RPF2: variants seen among roughly 807,000 people sequenced by gnomAD.
RPF2 encodes the protein brix domain containing 1.
In RPF2, 21 loss-of-function variants were observed where a neutral mutation model predicts 38.9. The observed-to-expected ratio is 0.54, with a 90% CI of 0.38 to 0.78. The LOEUF is 0.78. RPF2 is among the 30% of genes least tolerant of loss of function. The pLI is 0.00. For missense variants in RPF2, 314 were observed against 358.1 expected, an observed-to-expected ratio of 0.88 and a Z score of 0.99; for synonymous variants, 121 against 126.2, an observed-to-expected ratio of 0.96 and a Z score of 0.28.
At position 110,982,117 on chromosome 6, in the gene RPF2, T is replaced by G. The variant is rs746588077; in HGVS notation, c.11T>G (p.Leu4Arg). 29 of 1,614,084 alleles carry G rather than the reference T, an allele frequency of 1.8e-5. No homozygotes were observed. The highest frequency in any genetic ancestry group is 2.5e-5 in the Non-Finnish European group (29 of 1,180,034). The change falls in exon 1 of 10, where the codon CTG becomes CGG. Residue 4 changes from leucine (L) to arginine (R), a missense_variant. Physicochemically the swap from Leu to Arg is moderately radical, Grantham distance 102. Coordinates refer to ENST00000441448, the MANE Select transcript of RPF2 (RefSeq NM_032194.3). ...CAGGTAGCGGTAGCGATGGACACTC[T>G]GGATCGAGTAGTGTAAGTGCGCTGG... is the stretch of plus-strand genomic sequence containing the variant. MDTLDRVVKPKTKR... is the reference protein window; with the variant it reads MDTRDRVVKPKTKR...
chr6:110,993,312 TTTAG>T (rs1307137173), intron 4 of RPF2, among the ~76,000 whole-genome samples: 19 of 152,310 alleles, frequency 1.2e-4, no homozygotes, highest in Non-Finnish European at 2.5e-4. Flanking sequence ...TTTTTTTTCT[TTTAG>T]TTAGTGAATT....
At chr6:110,996,985 A>G (rs1234393201) in intron 4 of RPF2, among the ~76,000 whole-genome samples, 198 bp from the exon 5 acceptor site, 2 of 152,076 alleles carry the variant, frequency 1.3e-5, no homozygotes, top group African/African-American at 2.4e-5. Flanking sequence ...TATTTTTAGT[A>G]GAGATACGGT....
Position 111,027,351 on chromosome 6 carries a change from C to T in RPF2, c.*1769C>T, listed in dbSNP as rs7773288. 33,741 of 152,122 alleles carry T rather than the reference C, an allele frequency of 0.22. 3,948 individuals are homozygous for T. The highest frequency in any genetic ancestry group is 0.3 in the African/African-American group (12,622 of 41,480). The allele number at this position is 152,122 out of a possible 1,614,324, so 9.4% of individuals were successfully genotyped here. The stretch of plus-strand genomic sequence containing the variant: ...CATACAGTCTCGTACCTGAATCAGA[C>T]ATTTGCACTTTATATCTAAATGAGA... On this transcript the variant is annotated 3_prime_UTR_variant, in exon 10 of 10. Coordinates refer to ENST00000441448, the MANE Select transcript of RPF2 (RefSeq NM_032194.3).
intron 8 of RPF2, among the ~76,000 whole-genome samples, chr6:111,019,922 GT>G (rs1045101298): frequency 2.7e-5 from 4 of 146,610 alleles, no homozygotes; most frequent in East Asian, 2.0e-4. Flanking sequence ...TCTTTCTTTT[GT>G]TTTTTTTTTG....
At chr6:111,024,503 G>A (rs1297459111) in intron 9 of RPF2, among the ~76,000 whole-genome samples, 176 bp downstream of exon 9, 1 of 152,102 alleles carries the variant, frequency 6.6e-6, no homozygotes, top group African/African-American at 2.4e-5. Flanking sequence ...CACAAGGTCA[G>A]GAGATCGAGA....
At chr6:111,020,291 C>T (rs1772208682) in intron 8 of RPF2, among the ~76,000 whole-genome samples, 6 of 152,156 alleles carry the variant, frequency 3.9e-5, no homozygotes, top group Admixed American at 3.9e-4. Context: ...TCTCAGCTCA[C>T]TGCAACCTCT....
At chr6:111,014,223 GC>G (rs1176585242) in intron 7 of RPF2, among the ~76,000 whole-genome samples, 1 of 150,840 alleles carries the variant, frequency 6.6e-6, no homozygotes, top group East Asian at 1.9e-4. Flanking sequence ...TGCAATCTCC[GC>G]CTCCCAGGTT....
intron 6 of RPF2, among the ~76,000 whole-genome samples, chr6:111,004,538 T>C (rs1771875365): frequency 6.7e-6 from 1 of 149,782 alleles, no homozygotes; most frequent in African/African-American, 2.4e-5. Context: ...CTGTATGTAT[T>C]AAGTATTGGG....
intron 6 of RPF2, 122 bp downstream of exon 6, chr6:110,999,909 A>G (rs367618526): frequency 4.2e-5 from 24 of 576,128 alleles, no homozygotes; most frequent in Non-Finnish European, 7.5e-5. Context: ...TTATTTTGAC[A>G]TGCTCCAGGA....
At chr6:111,014,568 G>T (rs1235486493) in intron 7 of RPF2, among the ~76,000 whole-genome samples, 1 of 152,174 alleles carries the variant, frequency 6.6e-6, no homozygotes, top group East Asian at 1.9e-4. Context: ...CTACAGAATG[G>T]GACTAGAACA....
intron 5 of RPF2, 69 bp downstream of exon 5, chr6:110,997,333 G>A (rs113340775): frequency 2.7e-5 from 24 of 897,888 alleles, no homozygotes; most frequent in African/African-American, 1.5e-4. Flanking sequence ...GAATTCATAC[G>A]GGTCTGCAGC....
At chr6:110,993,190 C>T (rs1771649407) in intron 4 of RPF2, among the ~76,000 whole-genome samples, 1 of 152,180 alleles carries the variant, frequency 6.6e-6, no homozygotes, top group Non-Finnish European at 1.5e-5. Context: ...AATGATCTGC[C>T]TGCCTTGGCC....
chr6:110,991,331 C>T (rs1771616063), intron 3 of RPF2, among the ~76,000 whole-genome samples: 1 of 150,330 alleles, frequency 6.7e-6, no homozygotes, highest in African/African-American at 2.4e-5. Context: ...CTCACTGTTA[C>T]CCAGGCTGGA....
intron 4 of RPF2, among the ~76,000 whole-genome samples, chr6:110,994,914 A>T (rs1365811480): frequency 6.6e-6 from 1 of 151,856 alleles, no homozygotes; most frequent in Non-Finnish European, 1.5e-5. Flanking sequence ...AAATATATAT[A>T]TTTTAATTGA....
chr6:111,015,341 C>T, intron 7 of RPF2, among the ~76,000 whole-genome samples: 1 of 151,614 alleles, frequency 6.6e-6, no homozygotes, highest in African/African-American at 2.4e-5. Context: ...TTGTTGGCCT[C>T]CCTCATAGAA....
chr6:110,985,935 CAAAAAAA>C (rs71770271), intron 2 of RPF2, among the ~76,000 whole-genome samples: 4 of 104,582 alleles, frequency 3.8e-5, no homozygotes, highest in Non-Finnish European at 8.4e-5. Context: ...GACTCCATTT[CAAAAAAA>C]AAAAAAAAAA....
chr6:110,982,058 C>A lies in RPF2; in HGVS notation c.-49C>A. ...CGCCTGTTCCGGCGCACGTAATCGC[C>A]GAGGGCACGTGCATGCCCCCTGGTT... On this transcript the variant is annotated 5_prime_UTR_variant, in exon 1 of 10. Transcript: ENST00000441448. The A allele has an allele frequency of 6.2e-7, 1 of 1,608,828 alleles. No homozygotes were observed. The highest frequency in any genetic ancestry group is 8.5e-7 in the Non-Finnish European group (1 of 1,175,242).
chr6:110,990,757 G>T (rs1771607042), intron 3 of RPF2, among the ~76,000 whole-genome samples: 2 of 151,978 alleles, frequency 1.3e-5, no homozygotes, highest in South Asian at 4.2e-4. Flanking sequence ...ATTTTTAGTA[G>T]AGACAGGGTT....
At chr6:110,982,258 A>C in intron 1 of RPF2, 129 bp downstream of exon 1, 1 of 1,064,032 alleles carries the variant, frequency 9.4e-7, no homozygotes, top group Non-Finnish European at 1.4e-6. Context: ...CCGATCGATC[A>C]CCAGCCCGGG....
Sources: gnomAD v4.1 joint callset for allele counts (sites outside exome capture counted in the v4.1 genomes callset) on GRCh38, gnomAD v4.1.1 for gene constraint, MANE v1.5 for transcripts, NCBI Gene and HGNC (gene_info 2026-07-23, HGNC 2026-07-21) for gene names.